The following CCDC175 variants were observed in gnomAD, a reference collection of about 807,000 sequenced individuals.
The protein encoded by CCDC175 is coiled-coil domain-containing protein 175.
Under a neutral mutation model 114.6 loss-of-function variants are expected in CCDC175, and 100 were observed. That is an observed-to-expected ratio of 0.87 (90% CI 0.74 to 1.03). The LOEUF (loss-of-function observed/expected upper bound fraction) is 1.03. CCDC175 is among the 50% of genes least tolerant of loss of function. CCDC175 has a pLI of 0.00. For synonymous variants in CCDC175, 306 were observed against 308.7 expected, an observed-to-expected ratio of 0.99 and a Z score of 0.09; for missense variants, 880 against 917.8, an observed-to-expected ratio of 0.96 and a Z score of 0.53.
intron 13 of CCDC175, among the ~76,000 whole-genome samples, chr14:59,533,121 G>A (rs757224793): frequency 6.6e-6 from 1 of 152,182 alleles, no homozygotes; most frequent in Admixed American, 6.5e-5. Context: ...GAGAGACAGA[G>A]AGACTCACAC....
At chr14:59,511,927 T>A in intron 17 of CCDC175, 124 bp from the exon 18 acceptor site, 1 of 700,844 alleles carries the variant, frequency 1.4e-6, no homozygotes, top group East Asian at 2.7e-5. Flanking sequence ...AGTTCCAAAA[T>A]GACAGAATAA....
Position 59,538,859 on chromosome 14 carries a change from A to T in CCDC175, c.1356-19T>A. 1 of 1,516,520 alleles carries T rather than the reference A, an allele frequency of 6.6e-7. No homozygotes were observed. The highest frequency in any genetic ancestry group is 8.8e-7 in the Non-Finnish European group (1 of 1,139,882). The allele number at this position is 1,516,520 out of a possible 1,614,324, so 93.9% of individuals were successfully genotyped here. On this transcript the variant is annotated intron_variant, in intron 11 of 19. Coordinates refer to ENST00000537690, the MANE Select transcript of CCDC175 (RefSeq NM_001164399.2). ...TATAACACTAGAGATTAGAGCAAAA[A>T]GAATTGCCATTAAATTGACATAGCA...
intron 19 of CCDC175, among the ~76,000 whole-genome samples, chr14:59,507,148 T>C (rs1892473947): frequency 1.3e-5 from 2 of 152,222 alleles, no homozygotes; most frequent in South Asian, 4.1e-4. Context: ...TTTAATGTTC[T>C]GACAAGCCTA....
At chr14:59,527,847 T>C (rs1467883962) in intron 14 of CCDC175, among the ~76,000 whole-genome samples, 1 of 152,186 alleles carries the variant, frequency 6.6e-6, no homozygotes, top group African/African-American at 2.4e-5. Flanking sequence ...TGGAATCTTT[T>C]CTTTCTTTGT....
chr14:59,574,925 T>C lies in CCDC175; in HGVS notation c.243+18A>G, dbSNP rs1897024924. The C allele has an allele frequency of 2.3e-6, 3 of 1,284,614 alleles. No individual in the cohort carries two copies. The highest frequency in any genetic ancestry group is 2.1e-6 in the Non-Finnish European group (2 of 933,154). 79.6% of individuals were successfully genotyped at this position (1,284,614 alleles called of 1,614,324 possible). On this transcript the variant is annotated intron_variant, in intron 2 of 19. Coordinates refer to ENST00000537690, the MANE Select transcript of CCDC175 (RefSeq NM_001164399.2). The stretch of plus-strand genomic sequence containing the variant: ...ATGTGGAAGATTGAAGAAATGGTTC[T>C]TATAGATAATACAATACCAATTTCT...
chr14:59,512,100 G>T (rs952219423), intron 17 of CCDC175, among the ~76,000 whole-genome samples: 1 of 152,162 alleles, frequency 6.6e-6, no homozygotes, highest in African/African-American at 2.4e-5. Context: ...CCACTGGGGG[G>T]CACTTTCCAG....
At chr14:59,531,015 G>C (rs1052850512) in intron 14 of CCDC175, among the ~76,000 whole-genome samples, 2 of 151,902 alleles carry the variant, frequency 1.3e-5, no homozygotes, top group Middle Eastern at 3.4e-3. Flanking sequence ...GATGATTCTG[G>C]GCCAGGCACA....
At position 59,568,381 on chromosome 14, in the gene CCDC175, C is replaced by G; in HGVS notation, c.356-1G>C. The G allele has an allele frequency of 6.6e-7, 1 of 1,504,206 alleles. No homozygotes were observed. Among genetic ancestry groups the G allele is most frequent in the Non-Finnish European group, 8.8e-7 (1 of 1,136,026 alleles). The allele number at this position is 1,504,206 out of a possible 1,614,324, so 93.2% of individuals were successfully genotyped here. A position where few individuals can be genotyped will look rare whatever the true frequency, so the allele number is the denominator to read the frequency against. On this transcript the variant is annotated splice_acceptor_variant, in intron 3 of 19. Coordinates refer to ENST00000537690, the MANE Select transcript of CCDC175 (RefSeq NM_001164399.2). LOFTEE classifies it high-confidence loss of function. ...AATCTGCGAGCGTCTCGGACACATT[C>G]TTCAAAGTAAGTGGAAATATTACTA...
chr14:59,510,417 AAAG>A (rs1165780881), intron 19 of CCDC175: 4 of 410,776 alleles, frequency 9.7e-6, no homozygotes, highest in South Asian at 4.1e-5. Flanking sequence ...AAAAAATTAT[AAAG>A]AAGATTTAGT....
At chr14:59,549,292 T>C (rs1384766322) in intron 8 of CCDC175, among the ~76,000 whole-genome samples, 1 of 152,070 alleles carries the variant, frequency 6.6e-6, no homozygotes, top group African/African-American at 2.4e-5. Flanking sequence ...GGCAGGAGGA[T>C]TGCTTGAACT....
At chr14:59,561,459 C>T (rs972665553) in intron 6 of CCDC175, among the ~76,000 whole-genome samples, 1 of 152,128 alleles carries the variant, frequency 6.6e-6, no homozygotes, top group African/African-American at 2.4e-5. Context: ...TGGCTAAATA[C>T]AGCAGTGAGA....
At chr14:59,557,004 C>T (rs956511935) in intron 7 of CCDC175, among the ~76,000 whole-genome samples, 17 of 152,212 alleles carry the variant, frequency 1.1e-4, no homozygotes, top group East Asian at 9.7e-4. Context: ...AGGAACACTT[C>T]TACACTGTTG....
Position 59,561,233 on chromosome 14 carries a change from T to C in CCDC175, c.844-5A>G. The C allele has an allele frequency of 6.7e-7, 1 of 1,486,326 alleles. No individual in the cohort carries two copies. The highest frequency in any genetic ancestry group is 1.4e-5 in the African/African-American group (1 of 72,156). The allele number at this position is 1,486,326 out of a possible 1,614,324, so 92.1% of individuals were successfully genotyped here. On this transcript the variant is annotated splice_polypyrimidine_tract_variant and splice_region_variant and intron_variant, in intron 6 of 19. Transcript: ENST00000537690. Reference sequence around the variant, plus strand: ...TAAATTGTGATCACTAAGAACCTATTAAAAATTAAACAAAAATATGGCATC... The same window carrying C: ...TAAATTGTGATCACTAAGAACCTATCAAAAATTAAACAAAAATATGGCATC...
chr14:59,529,998 C>T (rs1566605832), intron 14 of CCDC175, among the ~76,000 whole-genome samples: 2 of 152,090 alleles, frequency 1.3e-5, no homozygotes, highest in African/African-American at 4.8e-5. Flanking sequence ...AATGTTTTTG[C>T]TTACTTTTAT....
At position 59,538,159 on chromosome 14, in the gene CCDC175, T is replaced by C; in HGVS notation, c.1492-5A>G. On this transcript the variant is annotated splice_polypyrimidine_tract_variant and splice_region_variant and intron_variant, in intron 12 of 19. Coordinates refer to ENST00000537690, the MANE Select transcript of CCDC175 (RefSeq NM_001164399.2). ...CTCCTGTTGTCTGAAACTGGTCTAATTAGAGAAAAATAAGAATTTGTCATT... is the reference window on the plus strand; with the variant it reads ...CTCCTGTTGTCTGAAACTGGTCTAACTAGAGAAAAATAAGAATTTGTCATT... 2 of 1,529,632 alleles carry C rather than the reference T, an allele frequency of 1.3e-6. No homozygotes were observed. The highest frequency in any genetic ancestry group is 1.7e-6 in the Non-Finnish European group (2 of 1,143,684). The allele number at this position is 1,529,632 out of a possible 1,614,324, so 94.8% of individuals were successfully genotyped here. A position where few individuals can be genotyped will look rare whatever the true frequency, so the allele number is the denominator to read the frequency against.
At chr14:59,564,978 A>G (rs1896437809) in intron 5 of CCDC175, 69 bp downstream of exon 5, 2 of 1,196,390 alleles carry the variant, frequency 1.7e-6, no homozygotes, top group African/African-American at 1.5e-5. Flanking sequence ...GGACAAATAA[A>G]TTATTTCCCA....
intron 7 of CCDC175, among the ~76,000 whole-genome samples, chr14:59,556,611 G>C (rs1895915900): frequency 6.6e-6 from 1 of 152,130 alleles, no homozygotes; most frequent in African/African-American, 2.4e-5. Flanking sequence ...ATTGACAAAT[G>C]GGATCTAATT....
chr14:59,565,113 CT>C lies in CCDC175; in HGVS notation c.653del (p.Glu218GlyfsTer5). On this transcript the variant is annotated frameshift_variant, in exon 5 of 20. Coordinates refer to ENST00000537690, the MANE Select transcript of CCDC175 (RefSeq NM_001164399.2). LOFTEE classifies it high-confidence loss of function. ...DIALQKKCIQ[E>X]AEELMEKERA... is the part of the protein sequence containing the mutation. The stretch of plus-strand genomic sequence containing the variant: ...TTTCTTTTTCCATTAGCTCCTCTGC[CT>C]CTTGAATACATTTTTTTTGCAATGC... The C allele has an allele frequency of 6.5e-7, 1 of 1,537,816 alleles. No homozygotes were observed.
At chr14:59,560,486 C>A (rs928758894) in intron 7 of CCDC175, among the ~76,000 whole-genome samples, 2 of 152,016 alleles carry the variant, frequency 1.3e-5, no homozygotes, top group African/African-American at 4.8e-5. Context: ...AGTGTGTTGA[C>A]CAATCTTTAA....
Sources: allele counts gnomAD v4.1 joint callset (sites outside exome capture counted in the v4.1 genomes callset), GRCh38; gene constraint gnomAD v4.1.1; transcripts MANE v1.5; gene names NCBI Gene and HGNC (gene_info 2026-07-23, HGNC 2026-07-21).